Variants in CTNNA3 observed in about 807,000 individuals in gnomAD.
CTNNA3 encodes the protein catenin alpha-3.
In CTNNA3, 76 loss-of-function variants were observed where a neutral mutation model predicts 95.7. The ratio of observed to expected loss-of-function variants is 0.79; its 90% CI spans 0.66 to 0.96. CTNNA3 has a LOEUF of 0.96. Among genes scored for constraint, CTNNA3 ranks in the 40% least tolerant of loss-of-function variants. The probability of loss-of-function intolerance (pLI) is 0.00; values close to 1 mark genes in which losing one functional copy is unlikely to be tolerated. For synonymous variants in CTNNA3, 431 were observed against 374.4 expected (o/e 1.15, Z -1.74); for missense variants, 1,191 against 1,089.8 (o/e 1.09, Z -1.31).
chr10:66,204,635 T>C (rs1392444262), intron 13 of CTNNA3, among the ~76,000 whole-genome samples: 1 of 152,190 alleles, frequency 6.6e-6, no homozygotes, highest in African/African-American at 2.4e-5. Context: ...GTGCTCTTAG[T>C]GACCCAAAGG....
intron 13 of CTNNA3, among the ~76,000 whole-genome samples, chr10:66,234,956 C>T (rs1452320573): frequency 6.6e-6 from 1 of 152,198 alleles, no homozygotes; most frequent in Non-Finnish European, 1.5e-5. Flanking sequence ...TGGATCAGCA[C>T]ATATGACAAG....
intron 15 of CTNNA3, among the ~76,000 whole-genome samples, chr10:66,014,919 A>G (rs1218033416): frequency 2.0e-5 from 3 of 152,076 alleles, no homozygotes; most frequent in East Asian, 3.9e-4. Context: ...CCTGGCCAAC[A>G]TGGTGAAACC....
At chr10:67,455,262 A>C (rs190731488) in intron 5 of CTNNA3, among the ~76,000 whole-genome samples, 1 of 152,318 alleles carries the variant, frequency 6.6e-6, no homozygotes, top group African/African-American at 2.4e-5. Flanking sequence ...GGCATGCCTT[A>C]TCTTCTCTAT....
rs1842453033 is a variant in CTNNA3 at position 67,582,755 on chromosome 10, C to A, written c.292+24102G>T. 2.0e-5 allele frequency among the ~76,000 whole-genome samples: 3 copies of A among 152,098 alleles called. No individual in the cohort carries two copies. The South Asian group carries it at 6.2e-4, about 32-fold the overall frequency. Reference sequence around the variant, plus strand: ...AATCTGTGGCCTCCTGTATTTGGTGCATGTATATTTAGGATAGTTAGCTCT... The same window carrying A: ...AATCTGTGGCCTCCTGTATTTGGTGAATGTATATTTAGGATAGTTAGCTCT... On this transcript the variant is annotated intron_variant, in intron 3 of 17. Transcript: ENST00000433211.
intron 13 of CTNNA3, among the ~76,000 whole-genome samples, chr10:66,191,344 C>A (rs2086657859): frequency 6.6e-6 from 1 of 152,092 alleles, no homozygotes; most frequent in South Asian, 2.1e-4. Flanking sequence ...TGTGTTTCAT[C>A]CCTCCATGTA....
chr10:67,030,833 G>C (rs182497466), intron 7 of CTNNA3, among the ~76,000 whole-genome samples: 1 of 151,972 alleles, frequency 6.6e-6, no homozygotes, highest in Non-Finnish European at 1.5e-5. Context: ...GTGAAACCCC[G>C]TCTCTACTAA....
chr10:66,904,922 G>A (rs188756848), intron 7 of CTNNA3, among the ~76,000 whole-genome samples: 39 of 152,292 alleles, frequency 2.6e-4, no homozygotes, highest in Middle Eastern at 3.4e-3. Flanking sequence ...CACCGTTGAT[G>A]GGAGTGTAAG....
chr10:66,065,245 G>C (rs779512464), intron 15 of CTNNA3, among the ~76,000 whole-genome samples: 180 of 147,778 alleles, frequency 1.2e-3, no homozygotes, highest in Non-Finnish European at 2.3e-3. Context: ...TTTTTGTTTT[G>C]TTTTGTTTTG....
chr10:66,926,831 T>TA, intron 7 of CTNNA3: 2 of 1,218,964 alleles, frequency 1.6e-6, no homozygotes, highest in Non-Finnish European at 2.2e-6. Flanking sequence ...TTTAAATTTT[T>TA]AAAAATGAAA....
intron 9 of CTNNA3, among the ~76,000 whole-genome samples, chr10:66,759,148 G>C (rs774435316): frequency 2.0e-5 from 3 of 152,096 alleles, no homozygotes; most frequent in Non-Finnish European, 4.4e-5. Flanking sequence ...GCTTGTCAGA[G>C]CTATCTGAAG....
At chr10:67,372,748 G>A (rs1843527898) in intron 5 of CTNNA3, among the ~76,000 whole-genome samples, 1 of 152,156 alleles carries the variant, frequency 6.6e-6, no homozygotes, top group Admixed American at 6.5e-5. Context: ...TACCCACAAA[G>A]GGAAGCCCAT....
At chr10:66,555,213 C>G (rs1842353263) in intron 10 of CTNNA3, among the ~76,000 whole-genome samples, 1 of 152,080 alleles carries the variant, frequency 6.6e-6, no homozygotes, top group Non-Finnish European at 1.5e-5. Context: ...AAAAACAAAA[C>G]AAAACAAAGT....
intron 13 of CTNNA3, among the ~76,000 whole-genome samples, chr10:66,243,620 A>C (rs1218806148): frequency 6.6e-6 from 1 of 152,160 alleles, no homozygotes; most frequent in African/African-American, 2.4e-5. Flanking sequence ...TGTACATCTT[A>C]CATGTATTGA....
intron 9 of CTNNA3, among the ~76,000 whole-genome samples, chr10:66,723,467 A>G (rs1458419567): frequency 6.6e-6 from 1 of 152,198 alleles, no homozygotes; most frequent in African/African-American, 2.4e-5. Flanking sequence ...TTATAGCCAC[A>G]AAACACAATT....
At chr10:66,206,832 A>G (rs923860902) in intron 13 of CTNNA3, among the ~76,000 whole-genome samples, 1 of 151,928 alleles carries the variant, frequency 6.6e-6, no homozygotes, top group African/African-American at 2.4e-5. Flanking sequence ...TTTAAGGGGT[A>G]GAATCAGACT....
At chr10:67,087,480 T>C (rs1052164369) in intron 7 of CTNNA3, among the ~76,000 whole-genome samples, 1 of 151,986 alleles carries the variant, frequency 6.6e-6, no homozygotes, top group Non-Finnish European at 1.5e-5. Context: ...TAAAAAGTTT[T>C]ATACATTTAG....
chr10:67,571,699 C>T (rs954788635), intron 3 of CTNNA3, among the ~76,000 whole-genome samples: 7 of 152,026 alleles, frequency 4.6e-5, no homozygotes, highest in East Asian at 1.9e-4. Flanking sequence ...GTGAAATCTA[C>T]GAGGGGGTGA....
intron 7 of CTNNA3, among the ~76,000 whole-genome samples, chr10:67,061,818 T>C (rs1855771234): frequency 6.6e-6 from 1 of 152,170 alleles, no homozygotes; most frequent in African/African-American, 2.4e-5. Context: ...AATTCCTCAT[T>C]GGCAGATAAG....
At chr10:67,351,538 T>C (rs1210751879) in intron 5 of CTNNA3, among the ~76,000 whole-genome samples, 1 of 152,008 alleles carries the variant, frequency 6.6e-6, no homozygotes, top group East Asian at 1.9e-4. Flanking sequence ...AAAAATTATA[T>C]ACAAGGCATA....
Sources: gnomAD v4.1 joint callset for allele counts (sites outside exome capture counted in the v4.1 genomes callset) on GRCh38, gnomAD v4.1.1 for gene constraint, MANE v1.5 for transcripts, NCBI Gene and HGNC (gene_info 2026-07-23, HGNC 2026-07-21) for gene names.